RIMS1: variants seen among roughly 807,000 people sequenced by gnomAD.
RIMS1 encodes the protein regulating synaptic membrane exocytosis protein 1.
A neutral mutation model predicts 214.1 loss-of-function variants in RIMS1; 83 were observed. That is an observed-to-expected ratio of 0.39 (90% CI 0.32 to 0.47). The LOEUF (loss-of-function observed/expected upper bound fraction) is 0.47, where lower values mean the gene tolerates loss of function less well. Ranked by LOEUF, RIMS1 falls within the 20% of genes least tolerant of loss-of-function variation. The pLI is 0.99. For missense variants in RIMS1, 2,050 were observed against 2,161.8 expected (o/e 0.95, Z 1.03); for synonymous variants, 793 against 786.8 (o/e 1.01, Z -0.13).
intron 1 of RIMS1, among the ~76,000 whole-genome samples, chr6:71,941,766 G>C (rs552687032): frequency 1.3e-5 from 2 of 152,048 alleles, no homozygotes; most frequent in African/African-American, 2.4e-5. Context: ...CTTGGTTTTC[G>C]TGGGACATTA....
At chr6:72,379,375 G>T (rs2098447366) in intron 29 of RIMS1, among the ~76,000 whole-genome samples, 1 of 152,234 alleles carries the variant, frequency 6.6e-6, no homozygotes, top group Non-Finnish European at 1.5e-5. Flanking sequence ...GAGCAGAGGA[G>T]GGAAGGGAAA....
chr6:71,923,882 G>A (rs1780779819), intron 1 of RIMS1, among the ~76,000 whole-genome samples: 1 of 152,066 alleles, frequency 6.6e-6, no homozygotes, highest in African/African-American at 2.4e-5. Flanking sequence ...TTCTTAAAAT[G>A]GCATTTGAGG....
intron 1 of RIMS1, among the ~76,000 whole-genome samples, chr6:71,911,382 A>G (rs753202062): frequency 1.3e-5 from 2 of 152,096 alleles, no homozygotes; most frequent in Non-Finnish European, 2.9e-5. Context: ...AGAATGGTAA[A>G]TGGACTTCTG....
chr6:72,199,737 T>G (rs948980901), intron 6 of RIMS1, among the ~76,000 whole-genome samples: 7 of 152,108 alleles, frequency 4.6e-5, no homozygotes, highest in African/African-American at 1.7e-4. Context: ...AACTATTGGC[T>G]TCTGAAACCA....
At chr6:72,368,700 G>C (rs2098124557) in intron 29 of RIMS1, among the ~76,000 whole-genome samples, 1 of 152,114 alleles carries the variant, frequency 6.6e-6, no homozygotes, top group Non-Finnish European at 1.5e-5. Context: ...GAGAGATTTA[G>C]AAGCATATAA....
intron 2 of RIMS1, among the ~76,000 whole-genome samples, chr6:72,093,698 T>C (rs1025362096): frequency 3.3e-5 from 5 of 152,122 alleles, no homozygotes; most frequent in African/African-American, 1.2e-4. Flanking sequence ...TATTTAAATG[T>C]TCTGCTTTGT....
rs904762065 is a variant in RIMS1, at chr6:72,403,002, C to T, written c.*2288C>T. 2.6e-5 allele frequency: 4 copies of T among 152,364 alleles called. No homozygotes were observed. Among genetic ancestry groups the T allele is most frequent in the African/African-American group, 4.8e-5 (2 of 41,424 alleles). The allele number at this position is 152,364 out of a possible 1,614,324, so 9.4% of individuals were successfully genotyped here. A position where few individuals can be genotyped will look rare whatever the true frequency, so the allele number is the denominator to read the frequency against. On this transcript the variant is annotated 3_prime_UTR_variant, in exon 34 of 34. Transcript: ENST00000521978. Reference sequence around the variant, plus strand: ...ACTTTGCATCACATACAAGTTTTCACTTCGTCAGCCTGTCTAAGTGAGCAC... The same window carrying T: ...ACTTTGCATCACATACAAGTTTTCATTTCGTCAGCCTGTCTAAGTGAGCAC...
intron 4 of RIMS1, among the ~76,000 whole-genome samples, chr6:72,118,622 C>T (rs534388944): frequency 6.6e-6 from 1 of 151,680 alleles, no homozygotes; most frequent in African/African-American, 2.4e-5. Context: ...AAAGATAATA[C>T]ATCATGATCA....
chr6:72,145,667 G>A (rs1014571103), intron 4 of RIMS1, among the ~76,000 whole-genome samples: 9 of 152,094 alleles, frequency 5.9e-5, no homozygotes, highest in African/African-American at 1.7e-4. Flanking sequence ...TAGGAACCCC[G>A]TATAAAGACT....
intron 1 of RIMS1, among the ~76,000 whole-genome samples, chr6:71,897,470 C>T (rs1772169044): frequency 6.6e-6 from 1 of 152,138 alleles, no homozygotes; most frequent in South Asian, 2.1e-4. Context: ...TCTTGCTGAA[C>T]TAGTTTTCAA....
chr6:71,976,909 A>T (rs1583952754), intron 2 of RIMS1, among the ~76,000 whole-genome samples: 1 of 152,178 alleles, frequency 6.6e-6, no homozygotes, highest in Non-Finnish European at 1.5e-5. Flanking sequence ...CAATTAAAAG[A>T]TTAAACAAAA....
At chr6:72,342,654 TG>T (rs1269290625) in intron 29 of RIMS1, among the ~76,000 whole-genome samples, 3 of 144,874 alleles carry the variant, frequency 2.1e-5, no homozygotes, top group African/African-American at 7.4e-5. Flanking sequence ...TGTGTGTGTG[TG>T]TGGGCATGCA....
intron 29 of RIMS1, among the ~76,000 whole-genome samples, chr6:72,386,328 G>C (rs574176232): frequency 2.0e-5 from 3 of 152,224 alleles, no homozygotes; most frequent in Non-Finnish European, 2.9e-5. Flanking sequence ...AGATAAGTCA[G>C]TTATTGACAG....
intron 2 of RIMS1, among the ~76,000 whole-genome samples, chr6:72,085,190 A>T (rs1834349909): frequency 6.6e-6 from 1 of 152,156 alleles, no homozygotes; most frequent in South Asian, 2.1e-4. Flanking sequence ...AAAAAAGTAT[A>T]CTCATTTTAA....
chr6:71,965,139 T>C (rs1287047542), intron 1 of RIMS1, among the ~76,000 whole-genome samples: 1 of 152,204 alleles, frequency 6.6e-6, no homozygotes, highest in Non-Finnish European at 1.5e-5. Context: ...CCATTTATGA[T>C]AGGAAAATTC....
intron 29 of RIMS1, among the ~76,000 whole-genome samples, chr6:72,352,983 C>CTTTTTTTTTTTT (rs70994123): frequency 1.2e-3 from 104 of 88,286 alleles, no homozygotes; most frequent in Non-Finnish European, 1.4e-3. Flanking sequence ...ATTCTTTTTT[C>CTTTTTTTTTTTT]TTTTTTTTTT....
intron 2 of RIMS1, among the ~76,000 whole-genome samples, chr6:72,023,598 G>T (rs1207163547): frequency 1.3e-5 from 2 of 151,990 alleles, no homozygotes; most frequent in Admixed American, 6.6e-5. Context: ...TGAGATATGG[G>T]AGACATAGCT....
Position 72,326,704 on chromosome 6 carries a change from A to G in RIMS1, c.4131-6896A>G, listed in dbSNP as rs2096482745. Among the ~76,000 whole-genome samples the G allele has an allele frequency of 2.0e-5, 3 of 151,916 alleles. No individual in the cohort carries two copies. The South Asian group carries it at 6.2e-4, about 31-fold the overall frequency. On this transcript the variant is annotated intron_variant, in intron 28 of 33. Transcript: ENST00000521978. ...ATTACTTGGTCTGATAGGCAGAACA[A>G]TGTGCCCCCGACAAAGGGTTCCTAT...
chr6:72,291,879 G>T (rs2093438235), intron 25 of RIMS1, 55 bp from the exon 26 acceptor site: 2 of 1,323,530 alleles, frequency 1.5e-6, no homozygotes, highest in Admixed American at 3.9e-5. Context: ...AAAGATTTTT[G>T]TCAGACCACA....
Sources: allele counts gnomAD v4.1 joint callset (sites outside exome capture counted in the v4.1 genomes callset), GRCh38; gene constraint gnomAD v4.1.1; transcripts MANE v1.5; gene names NCBI Gene and HGNC (gene_info 2026-07-23, HGNC 2026-07-21).